The following SLC12A5 variants were observed in gnomAD, a reference collection of about 807,000 sequenced individuals.
The protein encoded by SLC12A5 is K-Cl cotransporter 2.
In SLC12A5, 18 loss-of-function variants were observed where a neutral mutation model predicts 124.0. That is an observed-to-expected ratio of 0.15 (90% CI 0.10 to 0.22). The LOEUF (loss-of-function observed/expected upper bound fraction) is 0.22, where lower values mean the gene tolerates loss of function less well. Ranked by LOEUF, SLC12A5 falls within the 10% of genes least tolerant of loss-of-function variation. The pLI, the probability that SLC12A5 is intolerant of heterozygous loss-of-function variation, is 1.00. For missense variants in SLC12A5, 867 were observed against 1,478.7 expected, an observed-to-expected ratio of 0.59 and a Z score of 6.78; for synonymous variants, 589 against 568.0, an observed-to-expected ratio of 1.04 and a Z score of -0.53.
At chr20:46,021,731 G>T (rs760919893), upstream of SLC12A5, 9 of 1,532,670 alleles carry the variant, frequency 5.9e-6, no homozygotes, top group South Asian at 1.1e-4. Context: ...TGCGATCCCG[G>T]ACCTTGCCGC....
chr20:46,056,104 G>A lies in SLC12A5; in HGVS notation c.2788-46G>A, dbSNP rs1358665975. ...GGTGATAGCTCTTTGCAGGGCATGG[G>A]TGGTGACTCCCAGCAGAGCTGGCAC... On this transcript the variant is annotated intron_variant, in intron 21 of 25. Transcript: ENST00000243964. The surrounding 1 kb of genome is among the most constrained non-coding windows in gnomAD (Gnocchi z 4.3). 2 of 1,610,470 alleles carry A rather than the reference G, an allele frequency of 1.2e-6. No homozygotes were observed. The highest frequency in any genetic ancestry group is 1.7e-5 in the Admixed American group (1 of 59,790).
chr20:46,048,942 C>A (rs2084624552), intron 16 of SLC12A5, among the ~76,000 whole-genome samples: 1 of 151,996 alleles, frequency 6.6e-6, no homozygotes, highest in Admixed American at 6.6e-5. Context: ...AGATGGAATC[C>A]TCACACCCCA....
intron 2 of SLC12A5, 142 bp from the exon 3 acceptor site, chr20:46,035,262 C>T: frequency 3.5e-6 from 4 of 1,140,918 alleles, no homozygotes; most frequent in Non-Finnish European, 1.3e-6. Context: ...CTGTTCTCCT[C>T]ACCTGTTCCT....
intron 7 of SLC12A5, 101 bp downstream of exon 7, chr20:46,040,715 A>G (rs2084538432): frequency 3.9e-6 from 6 of 1,538,576 alleles, no homozygotes; most frequent in African/African-American, 1.4e-5. Flanking sequence ...TCAGAATCTC[A>G]GAGTGGTGTG....
chr20:46,043,091 T>C, intron 8 of SLC12A5, 62 bp from the exon 9 acceptor site: 1 of 1,560,554 alleles, frequency 6.4e-7, no homozygotes, highest in Non-Finnish European at 8.7e-7. Context: ...TCCCACCTCC[T>C]GGTCCCAGAG....
chr20:46,043,204 G>T lies in SLC12A5; in HGVS notation c.1118G>T (p.Gly373Val). The T allele has an allele frequency of 6.2e-7, 1 of 1,613,906 alleles. No individual in the cohort carries two copies. The highest frequency in any genetic ancestry group is 1.1e-5 in the South Asian group (1 of 91,028). ...LTKGVIVERSGMTSVGLADGT... is the reference protein window; with the variant it reads ...LTKGVIVERSVMTSVGLADGT... ...AAGGGCGTGATTGTGGAGAGGAGTGGGATGACCTCGGTGGGCCTGGCCGAT... is the reference window on the plus strand; with the variant it reads ...AAGGGCGTGATTGTGGAGAGGAGTGTGATGACCTCGGTGGGCCTGGCCGAT... Residue 373 changes from glycine to valine, a missense_variant, in exon 9 of 26, where the codon GGG becomes GTG. By Grantham distance (109) the Gly-to-Val change is moderately radical. This residue lies in a region of SLC12A5 where 127 missense variants were observed against 164.1 expected (regional missense o/e 0.77). Coordinates refer to ENST00000243964, the MANE Select transcript of SLC12A5 (RefSeq NM_020708.5).
intron 6 of SLC12A5, among the ~76,000 whole-genome samples, chr20:46,037,725 C>T (rs977241993): frequency 7.2e-5 from 11 of 152,162 alleles, no homozygotes; most frequent in Non-Finnish European, 1.3e-4. Context: ...AGATAACTTC[C>T]TCAAGGTCAC....
rs955770740 is a variant in SLC12A5 at position 46,058,193 on chromosome 20, C to T, written c.*588C>T. Reference sequence around the variant, plus strand: ...GTGACTAGAAGCGCAACAGACTTCTCGCCATAGTCGAGCTCTCCCGCTGGG... The same window carrying T: ...GTGACTAGAAGCGCAACAGACTTCTTGCCATAGTCGAGCTCTCCCGCTGGG... On this transcript the variant is annotated 3_prime_UTR_variant, in exon 26 of 26. Coordinates refer to ENST00000243964, the MANE Select transcript of SLC12A5 (RefSeq NM_020708.5). This position sits in a 1 kb window ranked among gnomAD's most constrained non-coding sequence, Gnocchi z 5.8. 3.0e-6 allele frequency: 1 copy of T among 337,496 alleles called. No homozygotes were observed. The highest frequency in any genetic ancestry group is 2.1e-5 in the African/African-American group (1 of 47,326). 20.9% of individuals were successfully genotyped at this position (337,496 alleles called of 1,614,324 possible).
upstream of SLC12A5, among the ~76,000 whole-genome samples, chr20:46,024,535 T>C (rs896179197): frequency 2.6e-5 from 4 of 152,170 alleles, no homozygotes; most frequent in Non-Finnish European, 5.9e-5. Context: ...TTTCCACCTC[T>C]TGTCTTCACC....
upstream of SLC12A5, among the ~76,000 whole-genome samples, chr20:46,028,507 A>G (rs976631713): frequency 1.3e-5 from 2 of 152,096 alleles, no homozygotes; most frequent in African/African-American, 4.8e-5. Context: ...AAGCACAATG[A>G]GAGAGTTCCT....
chr20:46,036,675 TG>T, intron 4 of SLC12A5, 65 bp from the exon 5 acceptor site: 2 of 1,581,100 alleles, frequency 1.3e-6, no homozygotes, highest in Admixed American at 1.7e-5. Context: ...GTATAAGGCT[TG>T]GCCCCCACCC....
At chr20:46,034,502 G>A (rs1218167164) in intron 1 of SLC12A5, among the ~76,000 whole-genome samples, 1 of 152,182 alleles carries the variant, frequency 6.6e-6, no homozygotes, top group Non-Finnish European at 1.5e-5. Flanking sequence ...CATTGTGAAT[G>A]AAGATGAATA....
chr20:46,056,579 G>C lies in SLC12A5; in HGVS notation c.3110+15G>C. 1 of 1,610,432 alleles carries C rather than the reference G, an allele frequency of 6.2e-7. No individual in the cohort carries two copies. ...AGCATGAAGCCGTACGGGCCTGGGG[G>C]CTAAGGGCTGGGGGCTGGGGTGAGC... is the stretch of plus-strand genomic sequence containing the variant. On this transcript the variant is annotated intron_variant, in intron 23 of 25. Coordinates refer to ENST00000243964, the MANE Select transcript of SLC12A5 (RefSeq NM_020708.5). The surrounding 1 kb of genome is among the most constrained non-coding windows in gnomAD (Gnocchi z 4.3).
chr20:46,035,148 C>G, intron 2 of SLC12A5, 106 bp downstream of exon 2: 1 of 1,197,356 alleles, frequency 8.4e-7, no homozygotes. Context: ...CTCCACCCCT[C>G]CCTTGAGTCT....
chr20:46,035,319 TC>T, intron 2 of SLC12A5, 84 bp from the exon 3 acceptor site: 1 of 1,518,108 alleles, frequency 6.6e-7, no homozygotes, highest in Non-Finnish European at 8.9e-7. Flanking sequence ...GTGCTCCTTG[TC>T]CCCATCTCTT....
At chr20:46,029,883 TGTGTGTGC>T (rs879919175) in intron 1 of SLC12A5, among the ~76,000 whole-genome samples, 1,426 of 53,810 alleles carry the variant, frequency 0.027, 9 homozygotes, top group Non-Finnish European at 0.043. Context: ...TGTGTGTGTG[TGTGTGTGC>T]GCGCGCGTGC....
At chr20:46,040,836 A>G in intron 7 of SLC12A5, 1 of 640,320 alleles carries the variant, frequency 1.6e-6, no homozygotes, top group Non-Finnish European at 2.6e-6. Context: ...GTAAGAGTCA[A>G]CTTCTTGCTG....
chr20:46,049,895 A>T, intron 17 of SLC12A5, 105 bp downstream of exon 17: 1 of 1,334,338 alleles, frequency 7.5e-7, no homozygotes, highest in Non-Finnish European at 1.0e-6. Context: ...GATCAAAGGA[A>T]GTGCAGGCAT....
At chr20:46,027,987 C>G (rs899963853), upstream of SLC12A5, among the ~76,000 whole-genome samples, 1 of 152,198 alleles carries the variant, frequency 6.6e-6, no homozygotes, top group Non-Finnish European at 1.5e-5. Context: ...TTGTTTACCC[C>G]GATCTGCTCC....
Sources: gnomAD v4.1 joint callset for allele counts (sites outside exome capture counted in the v4.1 genomes callset) on GRCh38, gnomAD v4.1.1 for gene constraint, gnomAD v4.1.1 regional missense constraint, Gnocchi (gnomAD v3.1) non-coding constraint, MANE v1.5 for transcripts, NCBI Gene and HGNC (gene_info 2026-07-23, HGNC 2026-07-21) for gene names.